The following RRM1 variants were observed in gnomAD, a reference collection of about 807,000 sequenced individuals.
RRM1 encodes the protein ribonucleotide reductase catalytic subunit M1, also known as ribonucleoside-diphosphate reductase large subunit.
A neutral mutation model predicts 101.5 loss-of-function variants in RRM1; 19 were observed. The observed-to-expected ratio is 0.19, with a 90% CI of 0.13 to 0.27. RRM1 has a LOEUF of 0.27. RRM1 is among the 10% of genes least tolerant of loss of function. RRM1 has a pLI of 1.00. For synonymous variants in RRM1, 298 were observed against 323.4 expected (o/e 0.92, Z 0.84); for missense variants, 500 against 962.9 (o/e 0.52, Z 6.36).
chr11:4,136,468 C>T (rs1301576521), intron 18 of RRM1, among the ~76,000 whole-genome samples: 1 of 152,132 alleles, frequency 6.6e-6, no homozygotes, highest in African/African-American at 2.4e-5. Context: ...AATTCACCTG[C>T]CTCGGCCTCC....
chr11:4,125,104 G>A lies in RRM1; in HGVS notation c.1321-1580G>A, dbSNP rs148575293. 9.7e-3 allele frequency among the ~76,000 whole-genome samples: 1,477 copies of A among 151,950 alleles called. 26 individuals carry two copies. Among genetic ancestry groups the A allele is most frequent in the African/African-American group, 0.034 (1,425 of 41,456 alleles). The stretch of plus-strand genomic sequence containing the variant: ...TAATTTTTGTATTTTTAGTAGGGAC[G>A]AGGTTTCACTATGTTGGCCAGGATG... On this transcript the variant is annotated intron_variant, in intron 12 of 18. Transcript: ENST00000300738.
chr11:4,112,204 G>A, intron 7 of RRM1, 142 bp downstream of exon 7: 2 of 614,202 alleles, frequency 3.3e-6, no homozygotes, highest in Middle Eastern at 3.5e-4. Context: ...ATCTCTGACT[G>A]TAATGTGGTA....
intron 7 of RRM1, among the ~76,000 whole-genome samples, chr11:4,114,870 A>C (rs2094570574): frequency 6.6e-6 from 1 of 151,870 alleles, no homozygotes. Context: ...GCACCACCAC[A>C]CCCAGCTAAT....
At position 4,107,452 on chromosome 11, in the gene RRM1, T is replaced by C. The variant is rs775010725; in HGVS notation, c.304T>C (p.Tyr102His). 10 of 1,610,872 alleles carry C rather than the reference T, an allele frequency of 6.2e-6. No homozygotes were observed. In the East Asian group the frequency reaches 2.0e-4, roughly 32 times the overall value. Reference sequence around the variant, plus strand: ...TTTTTTAGATGTGATGGAAGACCTCTATAACTACATAAATCCACATAATGG... The same window carrying C: ...TTTTTTAGATGTGATGGAAGACCTCCATAACTACATAAATCCACATAATGG... ...KVFSDVMEDLYNYINPHNGKH... is the reference protein window; with the variant it reads ...KVFSDVMEDLHNYINPHNGKH... Residue 102 changes from tyrosine to histidine, a missense_variant, in exon 4 of 19, where the codon TAT (tyrosine) becomes CAT (histidine). Around this residue, in one of 9 missense-constraint regions of RRM1, gnomAD observed 41 missense variants for 40.7 expected, o/e 1.01. Transcript: ENST00000300738.
chr11:4,128,599 T>C (rs1246019773), intron 14 of RRM1, among the ~76,000 whole-genome samples: 1 of 152,220 alleles, frequency 6.6e-6, no homozygotes, highest in African/African-American at 2.4e-5. Context: ...TGTCTTAGAA[T>C]TCTGCCTTTC....
chr11:4,119,813 C>G (rs778120575), intron 8 of RRM1, 32 bp from the exon 9 acceptor site: 1 of 1,365,074 alleles, frequency 7.3e-7, no homozygotes, highest in South Asian at 1.2e-5. Context: ...GCTGAGTGCC[C>G]TCTGTCATTT....
intron 1 of RRM1, among the ~76,000 whole-genome samples, chr11:4,098,749 T>G (rs2094546918): frequency 6.6e-6 from 1 of 152,162 alleles, no homozygotes; most frequent in Non-Finnish European, 1.5e-5. Flanking sequence ...TCTCATTGAG[T>G]TGACTTCTTG....
rs1448372704 is a variant in RRM1, at chr11:4,132,930, A to G, written c.1905+509A>G. Among the ~76,000 whole-genome samples, 1 of 152,098 alleles carries G rather than the reference A, an allele frequency of 6.6e-6. No homozygotes were observed. Among genetic ancestry groups the G allele is most frequent in the Non-Finnish European group, 1.5e-5 (1 of 67,944 alleles). ...TGAATTTCCAGATATCTTGAAGTAA[A>G]GTTCTGTAAAGTTCGAGAAGGATAC... On this transcript the variant is annotated intron_variant, in intron 16 of 18. Coordinates refer to ENST00000300738, the MANE Select transcript of RRM1 (RefSeq NM_001033.5). The surrounding 1 kb of genome is among the most constrained non-coding windows in gnomAD (Gnocchi z 4.1).
chr11:4,108,597 C>CAAAAAAAAAA (rs754848612), intron 4 of RRM1, among the ~76,000 whole-genome samples: 1 of 72,986 alleles, frequency 1.4e-5, no homozygotes. Flanking sequence ...GACTCAGTCT[C>CAAAAAAAAAA]AAAAAAAAAA....
upstream of RRM1, chr11:4,094,731 T>A: frequency 1.8e-6 from 1 of 546,700 alleles, no homozygotes; most frequent in Non-Finnish European, 3.3e-6. Context: ...ACGTCGCCTG[T>A]CAGTCTGTGA....
chr11:4,097,779 A>G (rs2094545668), intron 1 of RRM1, among the ~76,000 whole-genome samples: 1 of 152,168 alleles, frequency 6.6e-6, no homozygotes, highest in Non-Finnish European at 1.5e-5. Context: ...TTTTAATAAC[A>G]AGGGCAACTG....
intron 14 of RRM1, 123 bp downstream of exon 14, chr11:4,127,379 CA>C: frequency 2.3e-5 from 13 of 566,186 alleles, no homozygotes; most frequent in South Asian, 1.3e-4. Context: ...TCATTTGGTT[CA>C]AAAAAAGGTA....
intron 2 of RRM1, among the ~76,000 whole-genome samples, chr11:4,104,665 A>C (rs924122189): frequency 6.6e-6 from 1 of 152,172 alleles, no homozygotes; most frequent in Admixed American, 6.5e-5. Flanking sequence ...GTATAGTAAT[A>C]ATCATCTCAC....
intron 1 of RRM1, among the ~76,000 whole-genome samples, chr11:4,095,303 C>T (rs182587187): frequency 7.9e-5 from 12 of 152,374 alleles, no homozygotes. Context: ...GTAGTGACTG[C>T]GTACGCCGAG....
intron 2 of RRM1, 146 bp downstream of exon 2, chr11:4,102,227 CA>C (rs1223568992): frequency 5.1e-6 from 3 of 590,976 alleles, no homozygotes; most frequent in South Asian, 4.4e-5. Flanking sequence ...TTGCTTAAAA[CA>C]TTTTTTTTTC....
Position 4,107,613 on chromosome 11 carries a change from C to CT in RRM1, c.387+79dup, listed in dbSNP as rs1394132385. 3.4e-5 allele frequency: 30 copies of CT among 876,660 alleles called. No homozygotes were observed. The Admixed American group carries it at 5.8e-4, about 17-fold the overall frequency. The allele number at this position is 876,660 out of a possible 1,614,324, so 54.3% of individuals were successfully genotyped here. A position where few individuals can be genotyped will look rare whatever the true frequency, so the allele number is the denominator to read the frequency against. On this transcript the variant is annotated intron_variant, in intron 4 of 18. Transcript: ENST00000300738. ...GCACACATTTTAGAAAATTTAAACA[C>CT]TGCAAAAGATACAGGTAAATACTAA... is the stretch of plus-strand genomic sequence containing the variant.
At chr11:4,095,699 G>C (rs937662938) in intron 1 of RRM1, among the ~76,000 whole-genome samples, 2 of 152,198 alleles carry the variant, frequency 1.3e-5, no homozygotes, top group Non-Finnish European at 2.9e-5. Flanking sequence ...ACAAGATGGG[G>C]ACTGGGAAGA....
chr11:4,115,848 C>T (rs1484080824), intron 7 of RRM1, among the ~76,000 whole-genome samples: 2 of 152,112 alleles, frequency 1.3e-5, no homozygotes, highest in East Asian at 1.9e-4. Flanking sequence ...TGAGCCACTG[C>T]GCCTGGCCCT....
At position 4,130,064 on chromosome 11, in the gene RRM1, ATT is replaced by A. The variant is rs1491325130; in HGVS notation, c.1769+916_1769+917del. On this transcript the variant is annotated intron_variant, in intron 15 of 18. Transcript: ENST00000300738. ...TTTTAAGAAAATGGACCTGTACTGT[ATT>A]TATATATATATATATATATATTTTT... Among the ~76,000 whole-genome samples the A allele has an allele frequency of 1.1e-3, 96 of 88,478 alleles. 2 individuals are homozygous for A. Among genetic ancestry groups the A allele is most frequent in the Middle Eastern group, 4.9e-3 (1 of 206 alleles). 58.0% of individuals were successfully genotyped at this position (88,478 alleles called of 152,430 possible).
Sources: gnomAD v4.1 joint callset for allele counts (sites outside exome capture counted in the v4.1 genomes callset) on GRCh38, gnomAD v4.1.1 for gene constraint, gnomAD v4.1.1 regional missense constraint, Gnocchi (gnomAD v3.1) non-coding constraint, MANE v1.5 for transcripts, NCBI Gene and HGNC (gene_info 2026-07-23, HGNC 2026-07-21) for gene names.